The following RBFOX3 variants were observed in gnomAD, a reference collection of about 807,000 sequenced individuals.
The protein encoded by RBFOX3 is RNA binding fox-1 homolog 3, also known as RNA binding protein fox-1 homolog 3.
Under a neutral mutation model 48.7 loss-of-function variants are expected in RBFOX3, and 17 were observed. That is an observed-to-expected ratio of 0.35 (90% CI 0.24 to 0.52). The LOEUF is 0.52. RBFOX3 is among the 20% of genes least tolerant of loss of function. The pLI is 0.94. For synonymous variants in RBFOX3, 212 were observed against 209.5 expected (o/e 1.01, Z -0.10); for missense variants, 382 against 497.5 (o/e 0.77, Z 2.21).
Position 79,258,425 on chromosome 17 carries a change from G to A in RBFOX3, c.-73-22620C>T, listed in dbSNP as rs985404176. On this transcript the variant is annotated intron_variant, in intron 3 of 14. Coordinates refer to ENST00000693108, the MANE Select transcript of RBFOX3 (RefSeq NM_001350451.2). ...CTCAGAACCCACCAGGTGTGTTGCCGTGGACCACAGTCAAGGTTGCTGCTG... is the reference window on the plus strand; with the variant it reads ...CTCAGAACCCACCAGGTGTGTTGCCATGGACCACAGTCAAGGTTGCTGCTG... Among the ~76,000 whole-genome samples, 8 of 152,202 alleles carry A rather than the reference G, an allele frequency of 5.3e-5. No homozygotes were observed. The East Asian group carries it at 5.8e-4, about 11-fold the overall frequency.
chr17:79,312,653 A>G (rs2077012578), intron 2 of RBFOX3, among the ~76,000 whole-genome samples: 1 of 152,182 alleles, frequency 6.6e-6, no homozygotes, highest in Admixed American at 6.5e-5. Context: ...ACCTGTTCCA[A>G]GCAGTAAGAA....
chr17:79,537,706 T>C (rs1278872341), intron 1 of RBFOX3, among the ~76,000 whole-genome samples: 1 of 152,146 alleles, frequency 6.6e-6, no homozygotes, highest in Admixed American at 6.5e-5. Flanking sequence ...GTGACAGGCC[T>C]ACCCTCTCCC....
intron 4 of RBFOX3, among the ~76,000 whole-genome samples, chr17:79,177,816 T>C (rs1014867908): frequency 6.6e-6 from 1 of 152,188 alleles, no homozygotes; most frequent in African/African-American, 2.4e-5. Context: ...TTAAGGGACC[T>C]GAAAAATCCT....
chr17:79,544,233 C>A lies in RBFOX3; in HGVS notation c.-319-61635G>T, dbSNP rs560192274. Among the ~76,000 whole-genome samples, 32 of 152,288 alleles carry A rather than the reference C, an allele frequency of 2.1e-4. 1 individual carries two copies. The highest frequency in any genetic ancestry group is 6.2e-4 in the South Asian group (3 of 4,824). On this transcript the variant is annotated intron_variant, in intron 1 of 14. Transcript: ENST00000693108. ...TCTCAGTATCACTTGTGTGTGTTTT[C>A]TTCCAGCCTTGTGGAAGAAACCCTG...
Position 79,423,232 on chromosome 17 carries a change from C to T in RBFOX3, c.-175+59222G>A, listed in dbSNP as rs2066752589. ...TCCTGCGGTCTCCCCGTGGAAGCCC[C>T]ATCTTTCCAGGTTCCCAGGTACAAG... On this transcript the variant is annotated intron_variant, in intron 2 of 14. Coordinates refer to ENST00000693108, the MANE Select transcript of RBFOX3 (RefSeq NM_001350451.2). This position sits in a 1 kb window ranked among gnomAD's most constrained non-coding sequence, Gnocchi z 4.9. Among the ~76,000 whole-genome samples the T allele has an allele frequency of 6.6e-6, 1 of 152,192 alleles. No individual in the cohort carries two copies. The highest frequency in any genetic ancestry group is 1.5e-5 in the Non-Finnish European group (1 of 68,040).
intron 4 of RBFOX3, among the ~76,000 whole-genome samples, chr17:79,189,826 T>C (rs966114498): frequency 2.0e-5 from 3 of 152,194 alleles, no homozygotes; most frequent in African/African-American, 7.2e-5. Context: ...CCTGAATGGC[T>C]TGGGAAGTTG....
upstream of RBFOX3, among the ~76,000 whole-genome samples, chr17:79,615,908 T>A (rs1215751516): frequency 6.6e-6 from 1 of 152,150 alleles, no homozygotes; most frequent in Non-Finnish European, 1.5e-5. Flanking sequence ...GAGTTTCACA[T>A]TGTCTTCTCC....
chr17:79,570,104 T>C (rs2092616838), intron 1 of RBFOX3, among the ~76,000 whole-genome samples: 1 of 149,362 alleles, frequency 6.7e-6, no homozygotes, highest in Non-Finnish European at 1.5e-5. Context: ...TATGGATGGA[T>C]GGATAGGTAG....
intron 3 of RBFOX3, among the ~76,000 whole-genome samples, chr17:79,279,784 G>A (rs1600383891): frequency 6.6e-6 from 1 of 152,186 alleles, no homozygotes; most frequent in South Asian, 2.1e-4. Flanking sequence ...CCCCAGGCAG[G>A]GGGAGGTCAC....
rs1243879623 is a variant in RBFOX3, at chr17:79,390,857, G to A, written c.-174-83033C>T. ...AGGCAGCGGAACCCCTCACCAGGAGGCACCTTCCTGCCCAGACACCTCGGG... is the reference window on the plus strand; with the variant it reads ...AGGCAGCGGAACCCCTCACCAGGAGACACCTTCCTGCCCAGACACCTCGGG... On this transcript the variant is annotated intron_variant, in intron 2 of 14. Transcript: ENST00000693108. This position sits in a 1 kb window ranked among gnomAD's most constrained non-coding sequence, Gnocchi z 4.2. 6.6e-6 allele frequency among the ~76,000 whole-genome samples: 1 copy of A among 152,170 alleles called. No homozygotes were observed. Among genetic ancestry groups the A allele is most frequent in the Non-Finnish European group, 1.5e-5 (1 of 68,026 alleles).
At chr17:79,393,906 T>C (rs1568172335) in intron 2 of RBFOX3, among the ~76,000 whole-genome samples, 1 of 145,120 alleles carries the variant, frequency 6.9e-6, no homozygotes, top group Non-Finnish European at 1.5e-5. Flanking sequence ...ACATCAGAGA[T>C]GGCCATCAAT....
intron 6 of RBFOX3, among the ~76,000 whole-genome samples, chr17:79,105,132 C>T (rs148887836): frequency 6.6e-6 from 1 of 152,252 alleles, no homozygotes; most frequent in Admixed American, 6.5e-5. Flanking sequence ...GTTTCCCAGT[C>T]ACCTCCACAC....
intron 2 of RBFOX3, among the ~76,000 whole-genome samples, chr17:79,370,590 T>C (rs1290155169): frequency 6.7e-6 from 1 of 149,658 alleles, no homozygotes; most frequent in Non-Finnish European, 1.5e-5. Flanking sequence ...CACACACACG[T>C]ACACGTCTCT....
intron 3 of RBFOX3, among the ~76,000 whole-genome samples, chr17:79,250,175 C>T (rs1007839763): frequency 5.9e-5 from 9 of 152,194 alleles, no homozygotes; most frequent in African/African-American, 9.6e-5. Flanking sequence ...ATTTCAGTCT[C>T]CTACTGGATA....
At chr17:79,315,641 CA>C (rs1411241375) in intron 2 of RBFOX3, among the ~76,000 whole-genome samples, 1 of 152,248 alleles carries the variant, frequency 6.6e-6, no homozygotes, top group Non-Finnish European at 1.5e-5. Context: ...GCCACGTGAT[CA>C]AATTCCAGGT....
chr17:79,371,219 G>T (rs1382884940), intron 2 of RBFOX3, among the ~76,000 whole-genome samples: 2 of 152,246 alleles, frequency 1.3e-5, no homozygotes, highest in African/African-American at 2.4e-5. Flanking sequence ...CCATGGGGCA[G>T]ATTAACCCCA....
intron 1 of RBFOX3, among the ~76,000 whole-genome samples, chr17:79,512,154 G>A (rs2084389028): frequency 7.3e-6 from 1 of 136,422 alleles, no homozygotes; most frequent in Non-Finnish European, 1.6e-5. Flanking sequence ...ACAGCCCCAT[G>A]GCCAGGGGAC....
chr17:79,142,584 G>A (rs1036109884), intron 4 of RBFOX3, among the ~76,000 whole-genome samples: 34 of 152,032 alleles, frequency 2.2e-4, no homozygotes, highest in Non-Finnish European at 4.6e-4. Context: ...ACGGTGGCGG[G>A]AGGCCACTCG....
intron 5 of RBFOX3, among the ~76,000 whole-genome samples, chr17:79,113,519 G>T (rs916429272): frequency 5.3e-5 from 8 of 152,146 alleles, no homozygotes; most frequent in African/African-American, 1.9e-4. Context: ...AGAAAGGAAG[G>T]TCAAGGCCGT....
Sources: allele counts gnomAD v4.1 joint callset (sites outside exome capture counted in the v4.1 genomes callset), GRCh38; gene constraint gnomAD v4.1.1; non-coding constraint Gnocchi (gnomAD v3.1); transcripts MANE v1.5; gene names NCBI Gene and HGNC (gene_info 2026-07-23, HGNC 2026-07-21).